The following SNX29 variants were observed in gnomAD, a reference collection of about 807,000 sequenced individuals.
SNX29 encodes the protein sorting nexin 29.
In SNX29, 78 loss-of-function variants were observed where a neutral mutation model predicts 102.1. That is an observed-to-expected ratio of 0.76 (90% CI 0.64 to 0.92). SNX29 has a LOEUF of 0.92. Ranked by LOEUF, SNX29 falls within the 40% of genes least tolerant of loss-of-function variation. The pLI, the probability that SNX29 is intolerant of heterozygous loss-of-function variation, is 0.00. For synonymous variants in SNX29, 580 were observed against 414.5 expected (o/e 1.40, Z -4.85); for missense variants, 1,280 against 1,061.7 (o/e 1.21, Z -2.86).
intron 10 of SNX29, among the ~76,000 whole-genome samples, chr16:12,071,385 T>A (rs897331627): frequency 3.9e-5 from 6 of 152,210 alleles, no homozygotes; most frequent in Non-Finnish European, 8.8e-5. Context: ...GCTTTCTACA[T>A]ATGGCTAGCC....
intron 15 of SNX29, among the ~76,000 whole-genome samples, chr16:12,331,398 T>C (rs2081288041): frequency 6.6e-6 from 1 of 152,220 alleles, no homozygotes; most frequent in Non-Finnish European, 1.5e-5. Flanking sequence ...CCTGGTCTTA[T>C]TCCAAAAAGC....
intron 19 of SNX29, among the ~76,000 whole-genome samples, chr16:12,519,316 C>G (rs999414576): frequency 6.6e-6 from 1 of 152,150 alleles, no homozygotes; most frequent in African/African-American, 2.4e-5. Context: ...AGGGGGAGTC[C>G]AGTCTGAACA....
At chr16:12,505,347 T>C (rs2089323735) in intron 19 of SNX29, among the ~76,000 whole-genome samples, 1 of 152,082 alleles carries the variant, frequency 6.6e-6, no homozygotes, top group South Asian at 2.1e-4. Flanking sequence ...ATTCGGTGTC[T>C]GGTGAGGGCC....
intron 18 of SNX29, among the ~76,000 whole-genome samples, chr16:12,473,207 C>A (rs2087440361): frequency 6.6e-6 from 1 of 152,190 alleles, no homozygotes; most frequent in South Asian, 2.1e-4. Flanking sequence ...AATTCAAGGA[C>A]AACTTAATTT....
intron 4 of SNX29, among the ~76,000 whole-genome samples, chr16:12,041,205 G>A (rs1467045705): frequency 2.6e-5 from 4 of 151,970 alleles, no homozygotes; most frequent in Admixed American, 2.0e-4. Context: ...TCTGCCTACC[G>A]GGTTCAAATG....
At chr16:12,427,198 C>A (rs150390841) in intron 18 of SNX29, among the ~76,000 whole-genome samples, 1 of 152,074 alleles carries the variant, frequency 6.6e-6, no homozygotes, top group Non-Finnish European at 1.5e-5. Context: ...GGTTTCTTCT[C>A]GGTGCCAACC....
At chr16:12,562,529 G>A (rs974312128) in intron 20 of SNX29, among the ~76,000 whole-genome samples, 2 of 152,180 alleles carry the variant, frequency 1.3e-5, no homozygotes, top group African/African-American at 2.4e-5. Flanking sequence ...GCTGGTGAAT[G>A]ACACAGCCAG....
Position 12,572,024 on chromosome 16 carries a change from A to G in SNX29, c.*3395A>G, listed in dbSNP as rs1414637880. On this transcript the variant is annotated 3_prime_UTR_variant, in exon 21 of 21. Coordinates refer to ENST00000566228, the MANE Select transcript of SNX29 (RefSeq NM_032167.5). ...GCATCTAGGGAGCTGCTGGCTATAA[A>G]AGGGATCATCCAGTGGAGTTGTAAA... 2 of 1,062,482 alleles carry G rather than the reference A, an allele frequency of 1.9e-6. No individual in the cohort carries two copies. Among genetic ancestry groups the G allele is most frequent in the African/African-American group, 3.3e-5 (2 of 60,894 alleles). The allele number at this position is 1,062,482 out of a possible 1,614,324, so 65.8% of individuals were successfully genotyped here.
intron 14 of SNX29, among the ~76,000 whole-genome samples, chr16:12,217,566 C>T (rs2077358094): frequency 6.6e-6 from 1 of 152,224 alleles, no homozygotes; most frequent in Non-Finnish European, 1.5e-5. Flanking sequence ...GTAGGTGAGG[C>T]AGTGACTCAT....
intron 14 of SNX29, among the ~76,000 whole-genome samples, chr16:12,262,055 GTGTT>G (rs1226597369): frequency 4.7e-5 from 7 of 148,966 alleles, no homozygotes; most frequent in Non-Finnish European, 9.0e-5. Context: ...GCTGGAGTGA[GTGTT>G]TGCTGAGCTC....
intron 20 of SNX29, among the ~76,000 whole-genome samples, chr16:12,557,015 A>ACACACACCCCCCCCCC (rs66825746): frequency 3.1e-5 from 1 of 31,812 alleles, no homozygotes; most frequent in Non-Finnish European, 6.5e-5. Flanking sequence ...TGGCTAATTT[A>ACACACACCCCCCCCCC]CCCCCCCCCC....
rs116733495 is a variant in SNX29 at position 12,507,013 on chromosome 16, A to G, written c.2179-17689A>G. Among the ~76,000 whole-genome samples, 880 of 152,318 alleles carry G rather than the reference A, an allele frequency of 5.8e-3. 9 individuals carry two copies. Among genetic ancestry groups the G allele is most frequent in the African/African-American group, 0.02 (821 of 41,566 alleles). On this transcript the variant is annotated intron_variant, in intron 19 of 20. Transcript: ENST00000566228. ...ATCTTGTGGTGGGGAAAATTATTGT[A>G]CTGAACCTGTAGATTATTGTGAGAA... is the stretch of plus-strand genomic sequence containing the variant.
chr16:12,054,198 T>C (rs350219), intron 8 of SNX29, among the ~76,000 whole-genome samples: 151,754 of 152,342 alleles, frequency 1, 75,585 homozygotes, highest in Middle Eastern at 1. Context: ...AAACTCCTGA[T>C]CTCGTGATCT....
chr16:12,281,419 C>G (rs2079426641), intron 15 of SNX29, among the ~76,000 whole-genome samples: 1 of 152,148 alleles, frequency 6.6e-6, no homozygotes, highest in Non-Finnish European at 1.5e-5. Flanking sequence ...AAAGTCGGTG[C>G]CATAAAGCCC....
At chr16:12,554,175 A>G (rs1205798626) in intron 20 of SNX29, among the ~76,000 whole-genome samples, 1 of 152,236 alleles carries the variant, frequency 6.6e-6, no homozygotes, top group Non-Finnish European at 1.5e-5. Flanking sequence ...CAATGTGTGA[A>G]TAAGTTCTGG....
At chr16:12,134,391 A>G (rs1397240005) in intron 13 of SNX29, among the ~76,000 whole-genome samples, 1 of 152,146 alleles carries the variant, frequency 6.6e-6, no homozygotes, top group Non-Finnish European at 1.5e-5. Context: ...GTCTCTCATG[A>G]GGTTGCAGTC....
rs113987211 is a variant in SNX29, at chr16:12,324,616, T to G, written c.1783-31547T>G. 4.8e-3 allele frequency among the ~76,000 whole-genome samples: 728 copies of G among 152,240 alleles called. 5 individuals carry two copies. The highest frequency in any genetic ancestry group is 0.017 in the African/African-American group (706 of 41,542). On this transcript the variant is annotated intron_variant, in intron 15 of 20. Coordinates refer to ENST00000566228, the MANE Select transcript of SNX29 (RefSeq NM_032167.5). ...TTGTACTGGGTGAGCAAAACCTGTT[T>G]GCAACCTCTGGTCTAAGCCCATTTG...
intron 11 of SNX29, among the ~76,000 whole-genome samples, chr16:12,080,390 C>T (rs2051804480): frequency 6.6e-6 from 1 of 152,178 alleles, no homozygotes; most frequent in Admixed American, 6.5e-5. Flanking sequence ...TGTGGCGCTG[C>T]TCAGCCCTGA....
chr16:12,568,490 C>G lies in SNX29; in HGVS notation c.2319-16C>G, dbSNP rs1389564883. ...TCATCCCCAGACTTAACCCGATTCT[C>G]TCCCTGCTCTTTCAGCGACATCACC... On this transcript the variant is annotated splice_polypyrimidine_tract_variant and intron_variant, in intron 20 of 20. Transcript: ENST00000566228. The G allele has an allele frequency of 1.9e-6, 3 of 1,608,850 alleles. No homozygotes were observed. In the South Asian group the frequency reaches 3.3e-5, roughly 18 times the overall value.
Sources: gnomAD v4.1 joint callset for allele counts (sites outside exome capture counted in the v4.1 genomes callset) on GRCh38, gnomAD v4.1.1 for gene constraint, MANE v1.5 for transcripts, NCBI Gene and HGNC (gene_info 2026-07-23, HGNC 2026-07-21) for gene names.